Variants in DGCR8 observed in about 807,000 individuals in gnomAD.
The protein encoded by DGCR8 is DGCR8 microprocessor complex subunit.
DGCR8 carries 14 observed loss-of-function variants against 78.5 expected under a neutral mutation model. That is an observed-to-expected ratio of 0.18 (90% CI 0.12 to 0.28). The LOEUF (loss-of-function observed/expected upper bound fraction) is 0.28, where lower values mean the gene tolerates loss of function less well. DGCR8 is among the 10% of genes least tolerant of loss of function. The pLI is 1.00. For missense variants in DGCR8, 702 were observed against 1,022.5 expected, an observed-to-expected ratio of 0.69 and a Z score of 4.28; for synonymous variants, 399 against 402.4, an observed-to-expected ratio of 0.99 and a Z score of 0.10.
At chr22:20,097,480 C>A (rs1290582226) in intron 9 of DGCR8, among the ~76,000 whole-genome samples, 2 of 151,986 alleles carry the variant, frequency 1.3e-5, no homozygotes, top group Non-Finnish European at 2.9e-5. Flanking sequence ...TCCTAGTATC[C>A]CCATATGACC....
At chr22:20,098,154 A>AT (rs1555879368) in intron 9 of DGCR8, among the ~76,000 whole-genome samples, 2,622 of 150,172 alleles carry the variant, frequency 0.017, 50 homozygotes, top group Non-Finnish European at 0.021. Flanking sequence ...AAAGAAAAAA[A>AT]ATATATATAT....
rs1390413832 is a variant in DGCR8, at chr22:20,111,745, T to C, written c.*1637T>C. On this transcript the variant is annotated 3_prime_UTR_variant, in exon 14 of 14. Coordinates refer to ENST00000351989, the MANE Select transcript of DGCR8 (RefSeq NM_022720.7). ...CCCACCCGTCTGCCAAGCATGGGTA[T>C]GAATCGTGCACACAGCCATGCTTCA... 4 of 216,896 alleles carry C rather than the reference T, an allele frequency of 1.8e-5. No homozygotes were observed. Among genetic ancestry groups the C allele is most frequent in the Admixed American group, 1.8e-4 (2 of 11,188 alleles). The allele number at this position is 216,896 out of a possible 1,614,324, so 13.4% of individuals were successfully genotyped here. A position where few individuals can be genotyped will look rare whatever the true frequency, so the allele number is the denominator to read the frequency against.
chr22:20,080,933 T>G (rs1484337700), intron 1 of DGCR8, among the ~76,000 whole-genome samples: 3 of 152,238 alleles, frequency 2.0e-5, no homozygotes, highest in Non-Finnish European at 4.4e-5. Context: ...GAGTCTGATT[T>G]GCCTTTTTGC....
intron 13 of DGCR8, chr22:20,109,274 C>T: frequency 2.7e-6 from 1 of 376,480 alleles, no homozygotes; most frequent in Non-Finnish European, 5.1e-6. Flanking sequence ...ACCTGAGTCC[C>T]ATGTCCTCCC....
At position 20,094,785 on chromosome 22, in the gene DGCR8, A is replaced by G; in HGVS notation, c.1778A>G (p.Glu593Gly). The change falls in exon 9 of 14, where the codon GAA (glutamate) becomes GGA (glycine). Residue 593 changes from glutamate to glycine, a missense_variant. Glu to Gly is a moderately conservative substitution (Grantham distance 98). This residue lies in a region of DGCR8 where 225 missense variants were observed against 427.7 expected (regional missense o/e 0.53). Coordinates refer to ENST00000351989, the MANE Select transcript of DGCR8 (RefSeq NM_022720.7). ...QTSEEKPKDS[E>G]ELEYFNHISI... ...TCTGAAGAGAAGCCCAAAGACAGTG[A>G]AGAACTCGAGGTGAGTGTTGTGGTC... 1.2e-6 allele frequency: 2 copies of G among 1,613,960 alleles called. No homozygotes were observed. The highest frequency in any genetic ancestry group is 1.7e-6 in the Non-Finnish European group (2 of 1,179,890).
chr22:20,080,283 A>C lies in DGCR8; in HGVS notation c.-378A>C, dbSNP rs2049401681. The C allele has an allele frequency of 1.0e-6, 1 of 980,460 alleles. No homozygotes were observed. Among genetic ancestry groups the C allele is most frequent in the Admixed American group, 6.3e-5 (1 of 15,832 alleles). The allele number at this position is 980,460 out of a possible 1,614,324, so 60.7% of individuals were successfully genotyped here. ...GGCAGGCGGGTGCCGGCGACCGGAG[A>C]GCCTGGACAGGCTTTCCAGATGGCT... is the stretch of plus-strand genomic sequence containing the variant. On this transcript the variant is annotated 5_prime_UTR_variant, in exon 1 of 14. Transcript: ENST00000351989.
At chr22:20,107,471 CAG>C in intron 12 of DGCR8, 73 bp downstream of exon 12, 1 of 1,580,004 alleles carries the variant, frequency 6.3e-7, no homozygotes, top group East Asian at 2.2e-5. Flanking sequence ...GCTCTGTGCT[CAG>C]AGGGGGCAGA....
intron 1 of DGCR8, among the ~76,000 whole-genome samples, chr22:20,081,633 G>A (rs1300758382): frequency 6.6e-6 from 1 of 152,182 alleles, no homozygotes; most frequent in Admixed American, 6.5e-5. Context: ...CCTTTGTGAT[G>A]TCACCCAGCC....
chr22:20,086,569 A>G lies in DGCR8; in HGVS notation c.606A>G (p.Leu202=). 4 of 1,613,972 alleles carry G rather than the reference A, an allele frequency of 2.5e-6. No homozygotes were observed. Among genetic ancestry groups the G allele is most frequent in the Non-Finnish European group, 3.4e-6 (4 of 1,180,020 alleles). The stretch of plus-strand genomic sequence containing the variant: ...TGGAGTATGCAGTGCTCGATGAGTT[A>G]GAAGATTTTACTGACAATTTGGAGC... ...KRVEYAVLDE[L]EDFTDNLELD... The change falls in exon 2 of 14, where the codon TTA becomes TTG. Residue 202 remains leucine, a synonymous_variant. Coordinates refer to ENST00000351989, the MANE Select transcript of DGCR8 (RefSeq NM_022720.7). The surrounding 1 kb of genome is among the most constrained non-coding windows in gnomAD (Gnocchi z 6.4).
intron 9 of DGCR8, among the ~76,000 whole-genome samples, chr22:20,102,328 G>A (rs1358133080): frequency 2.0e-5 from 3 of 152,152 alleles, no homozygotes; most frequent in Admixed American, 6.5e-5. Flanking sequence ...CACCTGGTAC[G>A]TAGCCTTTGA....
rs762983187 is a variant in DGCR8, at chr22:20,106,559, G to C, written c.1890-33G>C. The C allele has an allele frequency of 2.6e-6, 4 of 1,522,704 alleles. No individual in the cohort carries two copies. The South Asian group carries it at 4.5e-5, about 17-fold the overall frequency. 94.3% of individuals were successfully genotyped at this position (1,522,704 alleles called of 1,614,324 possible). On this transcript the variant is annotated intron_variant, in intron 10 of 13. Transcript: ENST00000351989. ...AGAGGCAGCTGGCTGCTCTGCTCAG[G>C]GGACGCCATCTGTTGTCTGTTTTCT...
intron 6 of DGCR8, 35 bp downstream of exon 6, chr22:20,091,667 G>C (rs1304482275): frequency 6.2e-7 from 1 of 1,601,460 alleles, no homozygotes; most frequent in East Asian, 2.2e-5. Flanking sequence ...CAGCAGACTG[G>C]TTATGCTGTT....
chr22:20,083,976 G>A (rs937165901), intron 1 of DGCR8, among the ~76,000 whole-genome samples: 2 of 152,130 alleles, frequency 1.3e-5, no homozygotes, highest in African/African-American at 2.4e-5. Context: ...GGGAACATAC[G>A]GTGTGAAATT....
At chr22:20,106,343 T>G in intron 10 of DGCR8, 66 bp downstream of exon 10, 1 of 1,379,930 alleles carries the variant, frequency 7.2e-7, no homozygotes, top group Non-Finnish European at 1.0e-6. Flanking sequence ...CGTCTCATAT[T>G]CTTGTGGCTG....
chr22:20,101,848 T>A (rs1359904390), intron 9 of DGCR8: 8 of 985,120 alleles, frequency 8.1e-6, no homozygotes, highest in Non-Finnish European at 9.6e-6. Flanking sequence ...TGGGGTAGTA[T>A]CCCCTCCTTG....
chr22:20,091,948 T>G lies in DGCR8; in HGVS notation c.1584T>G (p.Pro528=). The G allele has an allele frequency of 6.2e-7, 1 of 1,613,972 alleles. No individual in the cohort carries two copies. Among genetic ancestry groups the G allele is most frequent in the Non-Finnish European group, 8.5e-7 (1 of 1,179,902 alleles). ...EYMQRVLKVR[P]VYNFFECENP... ...TGCAGCGTGTCCTCAAGGTCCGCCC[T>G]GTCTATAATTTCTTTGAATGTGGTA... The change falls in exon 7 of 14, where the codon CCT becomes CCG. Residue 528 remains proline (P), a synonymous_variant. Coordinates refer to ENST00000351989, the MANE Select transcript of DGCR8 (RefSeq NM_022720.7).
intron 9 of DGCR8, chr22:20,101,522 G>A (rs1299783171): frequency 1.2e-5 from 11 of 932,596 alleles, no homozygotes; most frequent in Admixed American, 6.2e-5. Flanking sequence ...AGCTTGCAGC[G>A]AGCTGAGATT....
intron 1 of DGCR8, among the ~76,000 whole-genome samples, chr22:20,081,367 AG>A (rs1471193480): frequency 6.6e-6 from 1 of 152,222 alleles, no homozygotes. Flanking sequence ...CCCCGTGCCA[AG>A]GGTCCAGGGG....
At chr22:20,098,389 G>C (rs1350508750) in intron 9 of DGCR8, among the ~76,000 whole-genome samples, 2 of 152,100 alleles carry the variant, frequency 1.3e-5, no homozygotes, top group African/African-American at 4.8e-5. Flanking sequence ...CAGAGAGCGT[G>C]TATATTAAAC....
Sources: gnomAD v4.1 joint callset for allele counts (sites outside exome capture counted in the v4.1 genomes callset) on GRCh38, gnomAD v4.1.1 for gene constraint, gnomAD v4.1.1 regional missense constraint, Gnocchi (gnomAD v3.1) non-coding constraint, MANE v1.5 for transcripts, NCBI Gene and HGNC (gene_info 2026-07-23, HGNC 2026-07-21) for gene names.